The following DIMT1 variants were observed in gnomAD, a reference collection of about 807,000 sequenced individuals.
The protein encoded by DIMT1 is dimethyladenosine transferase.
In DIMT1, 36 loss-of-function variants were observed where a neutral mutation model predicts 43.2. The ratio of observed to expected loss-of-function variants is 0.83; its 90% CI spans 0.64 to 1.10. The LOEUF (loss-of-function observed/expected upper bound fraction) is 1.10, where lower values mean the gene tolerates loss of function less well. DIMT1 is among the 50% of genes least tolerant of loss of function. The pLI is 0.00. For missense variants in DIMT1, 341 were observed against 385.3 expected (o/e 0.88, Z 0.96); for synonymous variants, 126 against 130.3 (o/e 0.97, Z 0.22).
At position 62,394,026 on chromosome 5, in the gene DIMT1, G is replaced by T. The variant is rs1161634191; in HGVS notation, c.592C>A (p.Pro198Thr). The T allele has an allele frequency of 6.2e-7, 1 of 1,611,518 alleles. No individual in the cohort carries two copies. The highest frequency in any genetic ancestry group is 2.2e-5 in the East Asian group (1 of 44,840). Residue 198 changes from proline (P) to threonine (T), a missense_variant, in exon 8 of 12, where the codon CCA (proline) becomes ACA (threonine). Transcript: ENST00000199320. ...LMKVGKNNFR[P>T]PPKVESSVVR... is the part of the protein sequence containing the mutation. ...ACACTGGATTCCACCTTGGGCGGTG[G>T]TCTGAAGTTATTCTTTCCCACCTGT...
intron 1 of DIMT1, 114 bp from the exon 2 acceptor site, chr5:62,403,460 G>T: frequency 9.3e-7 from 1 of 1,079,042 alleles, no homozygotes; most frequent in Non-Finnish European, 1.4e-6. Context: ...CCAGGGCCAC[G>T]AAACGTCACG....
chr5:62,395,776 G>A (rs1742465758), intron 6 of DIMT1, among the ~76,000 whole-genome samples: 1 of 152,126 alleles, frequency 6.6e-6, no homozygotes. Context: ...GGCCAAGGCG[G>A]ACAGATCGCT....
chr5:62,398,163 C>G (rs2112049181), intron 6 of DIMT1, among the ~76,000 whole-genome samples: 1 of 151,910 alleles, frequency 6.6e-6, no homozygotes, highest in Non-Finnish European at 1.5e-5. Context: ...AAGTTTTTTT[C>G]ATAATACACA....
rs1742283104 is a variant in DIMT1 at position 62,390,930 on chromosome 5, C to T, written c.845G>A (p.Ser282Asn). The change falls in exon 11 of 12, where the codon AGC becomes AAC. Residue 282 changes from serine to asparagine, a missense_variant. Coordinates refer to ENST00000199320, the MANE Select transcript of DIMT1 (RefSeq NM_014473.4). ...GGCCCGTTTGTCACTAAAACCTGTG[C>T]TGGTTAGGATTTGCTGTATTTTATC... ...IADKIQQILT[S>N]TGFSDKRARS... 1 of 1,612,296 alleles carries T rather than the reference C, an allele frequency of 6.2e-7. No homozygotes were observed. The highest frequency in any genetic ancestry group is 1.3e-5 in the African/African-American group (1 of 74,844).
At chr5:62,400,907 C>A (rs1003749810) in intron 3 of DIMT1, among the ~76,000 whole-genome samples, 3 of 151,062 alleles carry the variant, frequency 2.0e-5, no homozygotes, top group Admixed American at 2.0e-4. Context: ...TACAGTCAGG[C>A]ACCACCATGC....
intron 3 of DIMT1, among the ~76,000 whole-genome samples, chr5:62,401,178 GT>G (rs1455214904): frequency 6.6e-6 from 1 of 152,102 alleles, no homozygotes; most frequent in East Asian, 1.9e-4. Context: ...AAGGGGAGGC[GT>G]TGGGTATTTC....
Position 62,403,900 on chromosome 5 carries a change from G to C in DIMT1, c.-128C>G, listed in dbSNP as rs890411435. On this transcript the variant is annotated 5_prime_UTR_variant, in exon 1 of 12. Transcript: ENST00000199320. Reference sequence around the variant, plus strand: ...ACCACTCTGGCCCAAGCGCCGGAGGGGCAAGGGTCCGCCCCCTCCCGTACG... The same window carrying C: ...ACCACTCTGGCCCAAGCGCCGGAGGCGCAAGGGTCCGCCCCCTCCCGTACG... 8.1e-6 allele frequency: 8 copies of C among 983,332 alleles called. No homozygotes were observed. Among genetic ancestry groups the C allele is most frequent in the African/African-American group, 1.6e-5 (1 of 60,690 alleles). The allele number at this position is 983,332 out of a possible 1,614,324, so 60.9% of individuals were successfully genotyped here.
Position 62,398,561 on chromosome 5 carries a change from C to A in DIMT1, c.397-1G>T, listed in dbSNP as rs761990871. 6.2e-7 allele frequency: 1 copy of A among 1,612,754 alleles called. No homozygotes were observed. Among genetic ancestry groups the A allele is most frequent in the Non-Finnish European group, 8.5e-7 (1 of 1,178,832 alleles). ...GCTTGAAGACAAAAGGTGAAGAGAT[C>A]TGTAAGAGAATTAACTAGTTATTTC... is the stretch of plus-strand genomic sequence containing the variant. On this transcript the variant is annotated splice_acceptor_variant, in intron 5 of 11. Transcript: ENST00000199320. LOFTEE classifies it high-confidence loss of function.
In DIMT1 at chr5:62,389,055, G is replaced by GA. The variant is rs35130331; in HGVS notation, c.900-4dup. 1 of 1,609,716 alleles carries GA rather than the reference G, an allele frequency of 6.2e-7. No homozygotes were observed. Among genetic ancestry groups the GA allele is most frequent in the East Asian group, 2.2e-5 (1 of 44,810 alleles). On this transcript the variant is annotated splice_polypyrimidine_tract_variant and splice_region_variant and intron_variant, in intron 11 of 11. Transcript: ENST00000199320. ...CTGCGTTGAATCCATGTAGCAATCT[G>GA]AAAAAAGAAATCAAAATGGAATGGT...
chr5:62,396,139 G>GTTTTTTTTGTTTTTTTTTTTTTTT (rs1742480496), intron 6 of DIMT1, among the ~76,000 whole-genome samples: 1 of 116,746 alleles, frequency 8.6e-6, no homozygotes, highest in Non-Finnish European at 1.7e-5. Flanking sequence ...GTCACTGCAG[G>GTTTTTTTTGTTTTTTTTTTTTTTT]TTTTTTTTTT....
intron 8 of DIMT1, 60 bp downstream of exon 8, chr5:62,393,895 C>T (rs1742389972): frequency 6.8e-7 from 1 of 1,470,688 alleles, no homozygotes; most frequent in East Asian, 2.3e-5. Flanking sequence ...GTTATAGGCA[C>T]ACATCTTCCC....
chr5:62,389,181 C>CTAGTTA (rs1742176157), intron 11 of DIMT1, 129 bp from the exon 12 acceptor site: 1 of 752,512 alleles, frequency 1.3e-6, no homozygotes, highest in Admixed American at 3.3e-5. Context: ...ACTCCTAATA[C>CTAGTTA]TAGTTATTAA....
chr5:62,396,150 T>TTTTTTTTTTTTTTTTTTTTTTTTTTTC (rs1742483638), intron 6 of DIMT1, among the ~76,000 whole-genome samples: 1 of 149,534 alleles, frequency 6.7e-6, no homozygotes. Flanking sequence ...TTTTTTTTTT[T>TTTTTTTTTTTTTTTTTTTTTTTTTTTC]TACATTATTA....
intron 6 of DIMT1, among the ~76,000 whole-genome samples, chr5:62,397,822 G>T (rs1212001927): frequency 6.6e-6 from 1 of 152,046 alleles, no homozygotes. Flanking sequence ...CTAGTTTTTT[G>T]TATTTTTAGT....
intron 3 of DIMT1, among the ~76,000 whole-genome samples, 172 bp from the exon 4 acceptor site, chr5:62,399,053 C>T (rs1221194028): frequency 1.3e-5 from 2 of 152,172 alleles, no homozygotes; most frequent in East Asian, 1.9e-4. Flanking sequence ...AAAAATGGGC[C>T]GGGTGCAGTG....
At chr5:62,398,921 G>A (rs768165000) in intron 3 of DIMT1, 40 bp from the exon 4 acceptor site, 201 of 1,452,442 alleles carry the variant, frequency 1.4e-4, no homozygotes, top group Non-Finnish European at 1.3e-4. Flanking sequence ...GTTAATTATG[G>A]AATATAAATC....
intron 6 of DIMT1, among the ~76,000 whole-genome samples, chr5:62,395,974 T>C (rs1403886233): frequency 2.0e-5 from 3 of 151,934 alleles, no homozygotes; most frequent in Non-Finnish European, 4.4e-5. Flanking sequence ...ATGTCACCAC[T>C]GTACTCCAGC....
chr5:62,391,019 T>G, intron 10 of DIMT1, 37 bp from the exon 11 acceptor site: 1 of 1,557,048 alleles, frequency 6.4e-7, no homozygotes, highest in Non-Finnish European at 8.9e-7. Flanking sequence ...GAACGACATA[T>G]CTTTAATGAG....
In DIMT1 at chr5:62,403,811, G is replaced by T. The variant is rs779821321; in HGVS notation, c.-39C>A. Reference sequence around the variant, plus strand: ...GGGCCCACAGGCCCGGGACGTCAAGGAGGACCAAAGAGGGCTAGCGTGAGA... The same window carrying T: ...GGGCCCACAGGCCCGGGACGTCAAGTAGGACCAAAGAGGGCTAGCGTGAGA... On this transcript the variant is annotated 5_prime_UTR_variant, in exon 1 of 12. Transcript: ENST00000199320. The T allele has an allele frequency of 1.1e-5, 18 of 1,591,300 alleles. No individual in the cohort carries two copies. Among genetic ancestry groups the T allele is most frequent in the Non-Finnish European group, 1.5e-5 (18 of 1,167,076 alleles).
Sources: allele counts gnomAD v4.1 joint callset (sites outside exome capture counted in the v4.1 genomes callset), GRCh38; gene constraint gnomAD v4.1.1; transcripts MANE v1.5; gene names NCBI Gene and HGNC (gene_info 2026-07-23, HGNC 2026-07-21).